EXOC4: variants seen among roughly 807,000 people sequenced by gnomAD.
EXOC4 encodes SEC8-like 1.
A neutral mutation model predicts 107.2 loss-of-function variants in EXOC4; 71 were observed. The observed-to-expected ratio is 0.66, with a 90% CI of 0.55 to 0.81. The LOEUF (loss-of-function observed/expected upper bound fraction) is 0.81. Ranked by LOEUF, EXOC4 falls within the 30% of genes least tolerant of loss-of-function variation. The pLI is 0.00. For missense variants in EXOC4, 1,108 were observed against 1,189.6 expected (o/e 0.93, Z 1.01); for synonymous variants, 456 against 441.2 (o/e 1.03, Z -0.42).
intron 7 of EXOC4, among the ~76,000 whole-genome samples, chr7:133,428,504 A>G (rs1043049588): frequency 6.6e-6 from 1 of 152,204 alleles, no homozygotes; most frequent in Non-Finnish European, 1.5e-5. Context: ...CTGTGCTAAT[A>G]TTCTATTCTG....
intron 11 of EXOC4, among the ~76,000 whole-genome samples, chr7:133,853,733 C>T (rs1798289812): frequency 6.6e-6 from 1 of 152,092 alleles, no homozygotes; most frequent in Non-Finnish European, 1.5e-5. Context: ...TTGAGCCCTT[C>T]CCCATGCTCA....
chr7:133,772,470 G>T (rs764567390), intron 10 of EXOC4, among the ~76,000 whole-genome samples: 1 of 151,636 alleles, frequency 6.6e-6, no homozygotes, highest in Non-Finnish European at 1.5e-5. Flanking sequence ...CACGGCACAT[G>T]TATACATATG....
chr7:133,857,147 C>CAT (rs1798399519), intron 11 of EXOC4, among the ~76,000 whole-genome samples: 6 of 19,108 alleles, frequency 3.1e-4, no homozygotes, highest in African/African-American at 9.1e-4. Flanking sequence ...TACACATACA[C>CAT]GTATATATAT....
At chr7:133,523,787 G>A (rs1190806747) in intron 9 of EXOC4, among the ~76,000 whole-genome samples, 1 of 152,036 alleles carries the variant, frequency 6.6e-6, no homozygotes, top group African/African-American at 2.4e-5. Context: ...ATTTTTTTAT[G>A]GCTGCATAGT....
chr7:133,502,234 A>G (rs1210689313), intron 9 of EXOC4, among the ~76,000 whole-genome samples: 1 of 152,178 alleles, frequency 6.6e-6, no homozygotes, highest in African/African-American at 2.4e-5. Context: ...TGGGAAATTC[A>G]GAGGAGGGAA....
intron 11 of EXOC4, among the ~76,000 whole-genome samples, chr7:133,876,176 T>TA (rs1277911835): frequency 6.6e-6 from 1 of 151,982 alleles, no homozygotes; most frequent in African/African-American, 2.4e-5. Flanking sequence ...AAGTTACATT[T>TA]AAAAAATTAA....
chr7:133,999,318 G>C (rs974580441), intron 15 of EXOC4, among the ~76,000 whole-genome samples: 1 of 152,026 alleles, frequency 6.6e-6, no homozygotes, highest in African/African-American at 2.4e-5. Flanking sequence ...TTCTTTCCAG[G>C]GTGACTCCTT....
At chr7:133,720,601 T>C (rs370469477) in intron 10 of EXOC4, among the ~76,000 whole-genome samples, 1 of 152,186 alleles carries the variant, frequency 6.6e-6, no homozygotes, top group African/African-American at 2.4e-5. Context: ...TTGGTGGATT[T>C]TGCATGCCTG....
chr7:133,939,896 C>T (rs1367638838), intron 14 of EXOC4, among the ~76,000 whole-genome samples: 1 of 152,228 alleles, frequency 6.6e-6, no homozygotes, highest in Non-Finnish European at 1.5e-5. Context: ...CAAACCCACT[C>T]TGCTCCCTTC....
At chr7:134,021,010 G>T (rs1405935564) in intron 17 of EXOC4, among the ~76,000 whole-genome samples, 2 of 151,732 alleles carry the variant, frequency 1.3e-5, no homozygotes, top group African/African-American at 2.4e-5. Flanking sequence ...TGAAGGGTTT[G>T]ATTAGAGGAT....
At chr7:133,509,150 C>T (rs185853859) in intron 9 of EXOC4, among the ~76,000 whole-genome samples, 8 of 152,192 alleles carry the variant, frequency 5.3e-5, no homozygotes, top group African/African-American at 1.4e-4. Flanking sequence ...GCAGAGGGGC[C>T]GGGCACTGTG....
intron 17 of EXOC4, among the ~76,000 whole-genome samples, chr7:134,028,624 C>T (rs1795199046): frequency 6.6e-6 from 1 of 152,110 alleles, no homozygotes; most frequent in South Asian, 2.1e-4. Flanking sequence ...GTGCCATTGC[C>T]AATGCTTGGA....
chr7:133,876,158 C>T (rs1210165894), intron 11 of EXOC4, among the ~76,000 whole-genome samples: 3 of 150,900 alleles, frequency 2.0e-5, no homozygotes, highest in Admixed American at 1.3e-4. Flanking sequence ...TAATATTTTT[C>T]CTTTAGTAAG....
intron 15 of EXOC4, among the ~76,000 whole-genome samples, 162 bp from the exon 16 acceptor site, chr7:134,004,750 G>A (rs1221134975): frequency 6.6e-6 from 1 of 152,192 alleles, no homozygotes; most frequent in Non-Finnish European, 1.5e-5. Flanking sequence ...GTAGAGCATA[G>A]TGTCTGGCAC....
chr7:133,911,474 A>G (rs889825), intron 12 of EXOC4, among the ~76,000 whole-genome samples: 70,998 of 152,040 alleles, frequency 0.47, 17,887 homozygotes, highest in African/African-American at 0.65. Context: ...ATGTACTAAC[A>G]TATTTATTGT....
intron 10 of EXOC4, among the ~76,000 whole-genome samples, chr7:133,713,422 T>C (rs1385408928): frequency 6.6e-6 from 1 of 152,226 alleles, no homozygotes; most frequent in Non-Finnish European, 1.5e-5. Flanking sequence ...TTCTGAAATA[T>C]TCATAAGAGC....
intron 17 of EXOC4, among the ~76,000 whole-genome samples, chr7:134,008,199 C>T (rs976362300): frequency 6.6e-6 from 1 of 152,078 alleles, no homozygotes; most frequent in Non-Finnish European, 1.5e-5. Flanking sequence ...ATATTTTCTC[C>T]TGGCTTTTTT....
intron 13 of EXOC4, 105 bp downstream of exon 13, chr7:133,917,843 G>T: frequency 1.8e-6 from 2 of 1,084,572 alleles, no homozygotes; most frequent in Non-Finnish European, 2.6e-6. Context: ...AAATCAAGCA[G>T]CAATTACTTG....
At chr7:133,604,731 T>C (rs1801896522) in intron 9 of EXOC4, among the ~76,000 whole-genome samples, 2 of 121,822 alleles carry the variant, frequency 1.6e-5, no homozygotes, top group African/African-American at 3.2e-5. Flanking sequence ...TTTTTTTTTT[T>C]TTTTTTTTTT....
Sources: gnomAD v4.1 joint callset for allele counts (sites outside exome capture counted in the v4.1 genomes callset) on GRCh38, gnomAD v4.1.1 for gene constraint, MANE v1.5 for transcripts, NCBI Gene and HGNC (gene_info 2026-07-23, HGNC 2026-07-21) for gene names.